The following DCST1 variants were observed in gnomAD, a reference collection of about 807,000 sequenced individuals.
The protein encoded by DCST1 is DC-STAMP domain containing 1, also known as E3 ubiquitin-protein ligase DCST1.
Under a neutral mutation model 89.1 loss-of-function variants are expected in DCST1, and 78 were observed. That is an observed-to-expected ratio of 0.88 (90% CI 0.73 to 1.06). The LOEUF is 1.06. Ranked by LOEUF, DCST1 falls within the 50% of genes least tolerant of loss-of-function variation. DCST1 has a pLI of 0.00. For missense variants in DCST1, 900 were observed against 928.6 expected (o/e 0.97, Z 0.40); for synonymous variants, 364 against 371.9 (o/e 0.98, Z 0.24).
At chr1:155,047,102 T>G in intron 13 of DCST1, 94 bp from the exon 14 acceptor site, 1 of 983,344 alleles carries the variant, frequency 1.0e-6, no homozygotes, top group South Asian at 1.3e-5. Context: ...GAGAAGCATT[T>G]CTGTGTCTTG....
In DCST1 at chr1:155,041,542, A is replaced by G; in HGVS notation, c.677A>G (p.Gln226Arg). The G allele has an allele frequency of 4.3e-6, 7 of 1,614,072 alleles. No homozygotes were observed. Among genetic ancestry groups the G allele is most frequent in the Non-Finnish European group, 5.9e-6 (7 of 1,180,044 alleles). Residue 226 changes from glutamine (Q) to arginine (R), a missense_variant, in exon 7 of 17, where the codon CAA (glutamine) becomes CGA (arginine). Physicochemically the swap from Gln to Arg is conservative, Grantham distance 43. Transcript: ENST00000295542. ...ACAGCCCAGGGCAGGGAGGCCCGCC[A>G]AGCCCCAGCCTCCAGACTCCACCTG... is the stretch of plus-strand genomic sequence containing the variant. ...GETAQGREARQAPASRLHLST... is the reference protein window; with the variant it reads ...GETAQGREARRAPASRLHLST...
chr1:155,048,980 T>C (rs1660755212), intron 16 of DCST1: 1 of 716,436 alleles, frequency 1.4e-6, no homozygotes, highest in East Asian at 2.7e-5. Flanking sequence ...TTAAGTTGTG[T>C]CACCTTGGCC....
intron 10 of DCST1, 53 bp from the exon 11 acceptor site, chr1:155,045,836 GGGAT>G (rs1184319887): frequency 4.1e-6 from 6 of 1,474,168 alleles, no homozygotes; most frequent in Non-Finnish European, 5.7e-6. Context: ...CCCATGTTTG[GGGAT>G]AGATGAGGAG....
Position 155,040,484 on chromosome 1 carries a change from G to A in DCST1, c.392-1G>A. On this transcript the variant is annotated splice_acceptor_variant, in intron 5 of 16. Transcript: ENST00000295542. LOFTEE classifies it high-confidence loss of function. ...TGACCAACCAGGGCCTCTTTCTCCA[G>A]GGCCAGTAGCCAATCTGCGACACAA... 1 of 1,598,584 alleles carries A rather than the reference G, an allele frequency of 6.3e-7. No individual in the cohort carries two copies. Among genetic ancestry groups the A allele is most frequent in the African/African-American group, 1.3e-5 (1 of 74,872 alleles).
intron 4 of DCST1, among the ~76,000 whole-genome samples, chr1:155,037,001 A>T (rs944559154): frequency 6.6e-6 from 1 of 152,124 alleles, no homozygotes; most frequent in Non-Finnish European, 1.5e-5. Context: ...GGCTCAAGCT[A>T]TCCTCCCGCC....
intron 8 of DCST1, 75 bp from the exon 9 acceptor site, chr1:155,042,660 G>T (rs1660470496): frequency 5.6e-6 from 9 of 1,603,576 alleles, no homozygotes; most frequent in Non-Finnish European, 7.7e-6. Context: ...GAGGACTACA[G>T]GAGGACAGGC....
intron 9 of DCST1, 81 bp downstream of exon 9, chr1:155,042,937 C>G: frequency 6.4e-7 from 1 of 1,554,030 alleles, no homozygotes; most frequent in Non-Finnish European, 8.7e-7. Flanking sequence ...AGAGGAAGGA[C>G]AAGTGAGAGG....
chr1:155,043,401 T>A lies in DCST1; in HGVS notation c.1064T>A (p.Val355Glu). ...GGGCTCAACACAAGCTGGGAGCGCG[T>A]GAGCACCGAGGTGCGGGACTACGTG... ...VLGLNTSWER[V>E]STEVRDYVYR... is the part of the protein sequence containing the mutation. The change falls in exon 10 of 17, where the codon GTG becomes GAG. Residue 355 changes from valine to glutamate, a missense_variant. Transcript: ENST00000295542. 1 of 1,613,948 alleles carries A rather than the reference T, an allele frequency of 6.2e-7. No homozygotes were observed. The highest frequency in any genetic ancestry group is 8.5e-7 in the Non-Finnish European group (1 of 1,179,940).
intron 2 of DCST1, 116 bp downstream of exon 2, chr1:155,034,213 T>C (rs1660195420): frequency 3.3e-6 from 5 of 1,531,686 alleles, no homozygotes; most frequent in Non-Finnish European, 4.5e-6. Flanking sequence ...ACCACCTCTC[T>C]GGTCTAGTGC....
intron 1 of DCST1, 56 bp downstream of exon 1, chr1:155,033,910 A>C (rs1660185571): frequency 1.5e-6 from 2 of 1,347,606 alleles, no homozygotes; most frequent in East Asian, 4.7e-5. Flanking sequence ...AAAGGCCCAG[A>C]GCTCAGGCCT....
chr1:155,040,754 T>C, intron 6 of DCST1, 130 bp downstream of exon 6: 1 of 1,353,314 alleles, frequency 7.4e-7, no homozygotes, highest in Non-Finnish European at 9.9e-7. Context: ...TGCAGAACTA[T>C]TCCCAAACAT....
rs1169433998 is a variant in DCST1, at chr1:155,034,020, T to G, written c.-17T>G. 6.2e-7 allele frequency: 1 copy of G among 1,614,068 alleles called. No individual in the cohort carries two copies. The highest frequency in any genetic ancestry group is 1.7e-5 in the Admixed American group (1 of 60,010). ...TCAGGAGACCTGGGATGAGTGGTGC[T>G]TCCCCAAAACAGACTCATGGACATT... On this transcript the variant is annotated 5_prime_UTR_variant, in exon 2 of 17. Transcript: ENST00000295542.
chr1:155,047,423 G>T, intron 14 of DCST1, 111 bp downstream of exon 14: 2 of 972,988 alleles, frequency 2.1e-6, no homozygotes, highest in Admixed American at 2.3e-5. Flanking sequence ...GAGAGATGGG[G>T]GTTGGAGCGC....
At position 155,039,545 on chromosome 1, in the gene DCST1, G is replaced by A; in HGVS notation, c.391+14G>A. 1 of 1,564,926 alleles carries A rather than the reference G, an allele frequency of 6.4e-7. No individual in the cohort carries two copies. Among genetic ancestry groups the A allele is most frequent in the Non-Finnish European group, 8.7e-7 (1 of 1,153,466 alleles). ...CCATCTATGTGGGTGAGTATGTGGG[G>A]GCCAGTGAGTTACACTGAAGCAGTG... On this transcript the variant is annotated intron_variant, in intron 5 of 16. Transcript: ENST00000295542.
At chr1:155,034,172 C>T (rs1014302150) in intron 2 of DCST1, 75 bp downstream of exon 2, 53 of 1,585,424 alleles carry the variant, frequency 3.3e-5, no homozygotes, top group Non-Finnish European at 4.3e-5. Context: ...AACTCCTGCA[C>T]ACTATCCCCC....
chr1:155,040,565 A>G lies in DCST1; in HGVS notation c.472A>G (p.Thr158Ala). 1.9e-6 allele frequency: 3 copies of G among 1,589,420 alleles called. No individual in the cohort carries two copies. In the Middle Eastern group the frequency reaches 5.3e-4, roughly 282 times the overall value. ...GCTVELQINN[T>A]RAAWRISTAP... ...CACCGTGGAGCTGCAGATCAACAAC[A>G]CCCGCGCAGCTTGGCGCATCTCCAC... The change falls in exon 6 of 17, where the codon ACC becomes GCC. Residue 158 changes from threonine (T) to alanine (A), a missense_variant. Physicochemically the swap from Thr to Ala is moderately conservative, Grantham distance 58. Transcript: ENST00000295542.
chr1:155,040,227 C>T (rs1403517045), intron 5 of DCST1, among the ~76,000 whole-genome samples: 2 of 136,944 alleles, frequency 1.5e-5, no homozygotes, highest in Admixed American at 8.0e-5. Flanking sequence ...CGCTTGAGCC[C>T]GGGAGGCGGA....
intron 16 of DCST1, among the ~76,000 whole-genome samples, chr1:155,049,948 G>T (rs1189423206): frequency 6.6e-6 from 1 of 152,244 alleles, no homozygotes; most frequent in Non-Finnish European, 1.5e-5. Flanking sequence ...AGTCTCAGGA[G>T]AAACTGGCTC....
chr1:155,039,669 G>A, intron 5 of DCST1, 138 bp downstream of exon 5: 1 of 1,182,822 alleles, frequency 8.5e-7, no homozygotes, highest in Non-Finnish European at 1.1e-6. Context: ...CCCTGAGGGA[G>A]CTCCTCCCCA....
Sources: allele counts gnomAD v4.1 joint callset (sites outside exome capture counted in the v4.1 genomes callset), GRCh38; gene constraint gnomAD v4.1.1; transcripts MANE v1.5; gene names NCBI Gene and HGNC (gene_info 2026-07-23, HGNC 2026-07-21).